Variants in ZNF503 observed in about 807,000 individuals in gnomAD.
ZNF503 encodes zinc finger protein 503, also known as NocA-like zinc finger 2.
In ZNF503, 15 loss-of-function variants were observed where a neutral mutation model predicts 34.4. That is an observed-to-expected ratio of 0.44 (90% CI 0.29 to 0.67). The LOEUF (loss-of-function observed/expected upper bound fraction) is 0.67, where lower values mean the gene tolerates loss of function less well. Among genes scored for constraint, ZNF503 ranks in the 30% least tolerant of loss-of-function variants. The pLI, the probability that ZNF503 is intolerant of heterozygous loss-of-function variation, is 0.13. For missense variants in ZNF503, 1,007 were observed against 926.8 expected (o/e 1.09, Z -1.12); for synonymous variants, 580 against 456.8 (o/e 1.27, Z -3.44).
the ZNF503 span, among the ~76,000 whole-genome samples, chr10:75,377,405 G>A: frequency 8.1e-4 from 124 of 152,292 alleles, no homozygotes; most frequent in Non-Finnish European, 1.4e-3. Context: ...CATTTCATTC[G>A]TTGGTCTAAT....
the ZNF503 span, among the ~76,000 whole-genome samples, chr10:75,382,175 T>A: frequency 3.3e-5 from 5 of 152,110 alleles, no homozygotes; most frequent in African/African-American, 1.2e-4. Context: ...ATGGTGGTAG[T>A]CAAATACTCC....
At chr10:75,333,230 G>T in the ZNF503 span, among the ~76,000 whole-genome samples, 1 of 112,480 alleles carries the variant, frequency 8.9e-6, no homozygotes, top group African/African-American at 3.7e-5. Context: ...CCGGGCAGGG[G>T]GGCTGACCCC....
chr10:75,345,832 G>A, the ZNF503 span, among the ~76,000 whole-genome samples: 1 of 152,160 alleles, frequency 6.6e-6, no homozygotes. Flanking sequence ...ATTCCGTGCT[G>A]TGGGAACAAT....
the ZNF503 span, among the ~76,000 whole-genome samples, chr10:75,388,844 C>A: frequency 6.6e-6 from 1 of 152,234 alleles, no homozygotes; most frequent in Non-Finnish European, 1.5e-5. Flanking sequence ...TGTCCAAAGG[C>A]CCTGCTTTTT....
At chr10:75,311,229 T>C in the ZNF503 span, among the ~76,000 whole-genome samples, 1 of 152,144 alleles carries the variant, frequency 6.6e-6, no homozygotes, top group Non-Finnish European at 1.5e-5. Context: ...ACTAAACCAG[T>C]CTACTTTTTC....
chr10:75,312,977 T>C, the ZNF503 span, among the ~76,000 whole-genome samples: 2 of 152,178 alleles, frequency 1.3e-5, no homozygotes, highest in Non-Finnish European at 2.9e-5. Context: ...CCCCTGCACA[T>C]ATGCTCTTGC....
the ZNF503 span, among the ~76,000 whole-genome samples, chr10:75,372,742 C>A: frequency 1.7e-4 from 26 of 152,308 alleles, 1 homozygote; most frequent in East Asian, 4.8e-3. Flanking sequence ...AATCCAAGCC[C>A]GAGTTTCCTG....
At chr10:75,347,609 C>A in the ZNF503 span, among the ~76,000 whole-genome samples, 1 of 152,230 alleles carries the variant, frequency 6.6e-6, no homozygotes, top group African/African-American at 2.4e-5. Context: ...AAATGGGGGG[C>A]CCAGCCCCAG....
chr10:75,360,790 T>C, the ZNF503 span: 2 of 152,226 alleles, frequency 1.3e-5, no homozygotes, highest in Non-Finnish European at 2.9e-5. Flanking sequence ...ATCAAATCCA[T>C]GGAGAATCTT....
chr10:75,396,799 G>A (rs1275451007), downstream of ZNF503, among the ~76,000 whole-genome samples: 1 of 152,140 alleles, frequency 6.6e-6, no homozygotes, highest in Non-Finnish European at 1.5e-5. The surrounding 1 kb of genome is among the most constrained non-coding windows in gnomAD (Gnocchi z 4.4). Context: ...CTAGCGCCCA[G>A]GCCTGGAGCG....
rs1843756550 is a variant in ZNF503 at position 75,399,713 on chromosome 10, G to C, written c.977C>G (p.Pro326Arg). The C allele has an allele frequency of 6.3e-7, 1 of 1,598,350 alleles. No individual in the cohort carries two copies. Among genetic ancestry groups the C allele is most frequent in the Non-Finnish European group, 8.5e-7 (1 of 1,178,080 alleles). The stretch of plus-strand genomic sequence containing the variant: ...AGAGCCCAACACTGAGGAGGAGGTG[G>C]GCGCGCTGGGGCCGGAGCCGGAGCT... ...GSSSGSGPSA[P>R]TSSSVLGSGL... The change falls in exon 2 of 2, where the codon CCC becomes CGC. Residue 326 changes from proline (P) to arginine (R), a missense_variant. Pro to Arg is a moderately radical substitution (Grantham distance 103, BLOSUM62 -2). Coordinates refer to ENST00000372524, the MANE Select transcript of ZNF503 (RefSeq NM_032772.6).
chr10:75,357,411 G>A, the ZNF503 span, among the ~76,000 whole-genome samples: 2 of 151,976 alleles, frequency 1.3e-5, no homozygotes, highest in East Asian at 1.9e-4. Flanking sequence ...CCAGCTACTC[G>A]GGAGGTTGAA....
At chr10:75,323,954 CA>C in the ZNF503 span, among the ~76,000 whole-genome samples, 5 of 139,130 alleles carry the variant, frequency 3.6e-5, no homozygotes, top group African/African-American at 1.1e-4. Flanking sequence ...TGCACCATTG[CA>C]CTCTAGCCTG....
Position 75,400,324 on chromosome 10 carries a change from C to T in ZNF503, c.366G>A (p.Gln122=). 6.2e-7 allele frequency: 1 copy of T among 1,612,614 alleles called. No homozygotes were observed. Among genetic ancestry groups the T allele is most frequent in the Non-Finnish European group, 8.5e-7 (1 of 1,179,380 alleles). The change falls in exon 2 of 2, where the codon CAG becomes CAA. Residue 122 remains glutamine (Q), a synonymous_variant. Transcript: ENST00000372524. ...AGGGCGAGGGGTCGGGCTTCCCGATCTGCGAACATGTTTGCGCCAACAGCG... is the reference window on the plus strand; with the variant it reads ...AGGGCGAGGGGTCGGGCTTCCCGATTTGCGAACATGTTTGCGCCAACAGCG... The part of the protein sequence containing the change: ...PLALLAQTCS[Q]IGKPDPSPSS...
Position 75,400,339 on chromosome 10 carries a change from C to A in ZNF503, c.351G>T (p.Ala117=), listed in dbSNP as rs774314130. ...DAKKSPLALL[A]QTCSQIGKPD... ...GCTTCCCGATCTGCGAACATGTTTG[C>A]GCCAACAGCGCCAGCGGGCTCTTCT... is the stretch of plus-strand genomic sequence containing the variant. The change falls in exon 2 of 2, where the codon GCG becomes GCT. Residue 117 remains alanine (A), a synonymous_variant. Coordinates refer to ENST00000372524, the MANE Select transcript of ZNF503 (RefSeq NM_032772.6). 1 of 1,610,952 alleles carries A rather than the reference C, an allele frequency of 6.2e-7. No individual in the cohort carries two copies. The highest frequency in any genetic ancestry group is 8.5e-7 in the Non-Finnish European group (1 of 1,178,284).
the ZNF503 span, chr10:75,280,454 C>T: frequency 6.6e-6 from 1 of 152,164 alleles, no homozygotes; most frequent in Non-Finnish European, 1.5e-5. Flanking sequence ...GTAAGCAACT[C>T]AGAGTGGCGT....
chr10:75,299,127 C>CA, the ZNF503 span: 1 of 152,072 alleles, frequency 6.6e-6, no homozygotes, highest in East Asian at 1.9e-4. Flanking sequence ...CATGAGGTTT[C>CA]ACCATGTTGG....
chr10:75,321,548 C>A, the ZNF503 span, among the ~76,000 whole-genome samples: 1 of 152,102 alleles, frequency 6.6e-6, no homozygotes, highest in Non-Finnish European at 1.5e-5. Flanking sequence ...ACAATGAAGT[C>A]CAGGCTGAGG....
chr10:75,354,569 G>T, the ZNF503 span, among the ~76,000 whole-genome samples: 4 of 151,978 alleles, frequency 2.6e-5, no homozygotes, highest in Admixed American at 2.0e-4. Flanking sequence ...AAAAAAATTG[G>T]CTAGGCATTG....
Sources: allele counts gnomAD v4.1 joint callset (sites outside exome capture counted in the v4.1 genomes callset), GRCh38; gene constraint gnomAD v4.1.1; non-coding constraint Gnocchi (gnomAD v3.1); transcripts MANE v1.5; gene names NCBI Gene and HGNC (gene_info 2026-07-23, HGNC 2026-07-21).